TBC1D5: variants seen among roughly 807,000 people sequenced by gnomAD.
TBC1D5 encodes the protein TBC1 domain family member 5, also known as TBC1 domain family, member 5.
Under a neutral mutation model 100.3 loss-of-function variants are expected in TBC1D5, and 75 were observed. That is an observed-to-expected ratio of 0.75 (90% confidence interval 0.62 to 0.91). The LOEUF (loss-of-function observed/expected upper bound fraction) is 0.91, where lower values mean the gene tolerates loss of function less well. Ranked by LOEUF, TBC1D5 falls within the 40% of genes least tolerant of loss-of-function variation. The pLI is 0.00. For missense variants in TBC1D5, 910 were observed against 942.4 expected, an observed-to-expected ratio of 0.97 and a Z score of 0.45; for synonymous variants, 323 against 325.6, an observed-to-expected ratio of 0.99 and a Z score of 0.09.
intron 13 of TBC1D5, among the ~76,000 whole-genome samples, chr3:17,370,293 C>T (rs2092388456): frequency 6.6e-6 from 1 of 152,094 alleles, no homozygotes; most frequent in Admixed American, 6.5e-5. Flanking sequence ...ACTTCTTTCC[C>T]CAATATTTAA....
chr3:17,530,268 A>C (rs1428556284), intron 2 of TBC1D5, among the ~76,000 whole-genome samples: 1 of 151,892 alleles, frequency 6.6e-6, no homozygotes, highest in Non-Finnish European at 1.5e-5. Flanking sequence ...AAAAAGGGAA[A>C]AAACTGATCC....
intron 2 of TBC1D5, among the ~76,000 whole-genome samples, chr3:17,509,103 T>C (rs907458507): frequency 6.6e-6 from 1 of 152,030 alleles, no homozygotes; most frequent in Admixed American, 6.6e-5. Flanking sequence ...ATGTGACCCA[T>C]AACATGGTAA....
At chr3:17,374,255 T>C (rs2092605362) in intron 12 of TBC1D5, among the ~76,000 whole-genome samples, 1 of 152,094 alleles carries the variant, frequency 6.6e-6, no homozygotes, top group Admixed American at 6.6e-5. Flanking sequence ...ACATATAAAA[T>C]GTATTTATAT....
chr3:17,320,340 A>G (rs1391638758), intron 13 of TBC1D5, among the ~76,000 whole-genome samples: 1 of 152,130 alleles, frequency 6.6e-6, no homozygotes, highest in Non-Finnish European at 1.5e-5. Flanking sequence ...AACCCCACTC[A>G]CTCATACCTA....
chr3:17,426,928 T>A (rs1335252505), intron 4 of TBC1D5, among the ~76,000 whole-genome samples: 1 of 152,040 alleles, frequency 6.6e-6, no homozygotes, highest in East Asian at 1.9e-4. Flanking sequence ...ACCTAATAAA[T>A]TACTATCATA....
intron 2 of TBC1D5, among the ~76,000 whole-genome samples, chr3:17,621,082 G>A (rs145579951): frequency 3.5e-4 from 54 of 152,236 alleles, no homozygotes; most frequent in African/African-American, 1.3e-3. Context: ...TGGAAGCCAA[G>A]GTTCTCACTG....
Position 17,374,686 on chromosome 3 carries a change from A to G in TBC1D5, c.702-7T>C, listed in dbSNP as rs775070738. ...GACAGTTTTCATTTCCTCACTTAAA[A>G]AAGCAATACAAGCAATCAAAATGTG... On this transcript the variant is annotated splice_polypyrimidine_tract_variant and splice_region_variant and intron_variant, in intron 10 of 21. Transcript: ENST00000253692. The G allele has an allele frequency of 5.6e-6, 9 of 1,610,104 alleles. No homozygotes were observed. The highest frequency in any genetic ancestry group is 7.6e-6 in the Non-Finnish European group (9 of 1,179,090).
chr3:17,262,981 C>T (rs1015401625), intron 15 of TBC1D5, among the ~76,000 whole-genome samples: 2 of 151,874 alleles, frequency 1.3e-5, no homozygotes, highest in African/African-American at 4.8e-5. Context: ...AATCCCAGAA[C>T]TTTGGGAGGC....
At chr3:17,319,037 C>A (rs1327931566) in intron 13 of TBC1D5, among the ~76,000 whole-genome samples, 1 of 152,154 alleles carries the variant, frequency 6.6e-6, no homozygotes, top group East Asian at 1.9e-4. Flanking sequence ...CACTTTTGGT[C>A]AGCCAATTTT....
intron 13 of TBC1D5, among the ~76,000 whole-genome samples, chr3:17,368,170 T>C (rs1021307958): frequency 6.6e-6 from 1 of 152,144 alleles, no homozygotes; most frequent in African/African-American, 2.4e-5. Flanking sequence ...ATATTCAAGA[T>C]TTCATGTGGA....
intron 16 of TBC1D5, among the ~76,000 whole-genome samples, chr3:17,256,712 C>T (rs977375038): frequency 3.3e-5 from 5 of 152,106 alleles, no homozygotes; most frequent in Non-Finnish European, 7.3e-5. Context: ...CAAAAGCCTG[C>T]CCTCAGGGGC....
At chr3:17,270,951 T>G (rs2079354451) in intron 15 of TBC1D5, among the ~76,000 whole-genome samples, 1 of 152,234 alleles carries the variant, frequency 6.6e-6, no homozygotes, top group African/African-American at 2.4e-5. Flanking sequence ...TTCTGAGTTC[T>G]CTATTCTGTT....
At chr3:17,299,179 A>G (rs1479597054) in intron 14 of TBC1D5, among the ~76,000 whole-genome samples, 2 of 152,184 alleles carry the variant, frequency 1.3e-5, no homozygotes, top group Admixed American at 1.3e-4. Context: ...TTTGATAATC[A>G]AGATTGCTAT....
intron 1 of TBC1D5, among the ~76,000 whole-genome samples, chr3:17,657,477 G>C (rs1283964259): frequency 1.3e-5 from 2 of 151,688 alleles, no homozygotes; most frequent in African/African-American, 4.8e-5. Context: ...GCTGGGACTA[G>C]AGGCATGTGC....
chr3:17,663,861 TAA>T (rs1275788518), intron 1 of TBC1D5, among the ~76,000 whole-genome samples: 4 of 152,112 alleles, frequency 2.6e-5, no homozygotes, highest in Non-Finnish European at 5.9e-5. Context: ...ATGCAACTAT[TAA>T]AAGAGATGAT....
chr3:17,678,766 T>TA (rs965151265), intron 1 of TBC1D5, among the ~76,000 whole-genome samples: 1 of 149,822 alleles, frequency 6.7e-6, no homozygotes, highest in Admixed American at 6.6e-5. Context: ...AAGATTCATT[T>TA]AAAAAAATGA....
intron 13 of TBC1D5, among the ~76,000 whole-genome samples, chr3:17,370,977 C>G (rs905366852): frequency 3.3e-5 from 5 of 151,838 alleles, no homozygotes; most frequent in African/African-American, 1.2e-4. Flanking sequence ...TATAGAGAAC[C>G]CTTTTGTCTG....
chr3:17,166,540 C>T (rs773056089), intron 21 of TBC1D5, among the ~76,000 whole-genome samples: 1 of 152,182 alleles, frequency 6.6e-6, no homozygotes, highest in Non-Finnish European at 1.5e-5. Flanking sequence ...TTGTAGGGCA[C>T]GCACCGCACG....
chr3:17,179,156 C>A (rs1036462474), intron 19 of TBC1D5, among the ~76,000 whole-genome samples: 1 of 152,228 alleles, frequency 6.6e-6, no homozygotes, highest in Non-Finnish European at 1.5e-5. Flanking sequence ...TGAATTGTAT[C>A]TTTTCCTCCT....
Sources: gnomAD v4.1 joint callset for allele counts (sites outside exome capture counted in the v4.1 genomes callset) on GRCh38, gnomAD v4.1.1 for gene constraint, MANE v1.5 for transcripts, NCBI Gene and HGNC (gene_info 2026-07-23, HGNC 2026-07-21) for gene names.